Variants in MIEF1 observed in about 807,000 individuals in gnomAD.
The protein encoded by MIEF1 is mitochondrial dynamics protein MIEF1.
Under a neutral mutation model 35.1 loss-of-function variants are expected in MIEF1, and 14 were observed. The ratio of observed to expected loss-of-function variants is 0.40; its 90% confidence interval spans 0.26 to 0.62. The LOEUF (loss-of-function observed/expected upper bound fraction) is 0.62. Among genes scored for constraint, MIEF1 ranks in the 20% least tolerant of loss-of-function variants. The pLI is 0.43. For missense variants in MIEF1, 542 were observed against 615.4 expected (o/e 0.88, Z 1.26); for synonymous variants, 245 against 254.3 (o/e 0.96, Z 0.35).
At chr22:39,511,051 A>G (rs1180941769) in intron 2 of MIEF1, among the ~76,000 whole-genome samples, 1 of 152,242 alleles carries the variant, frequency 6.6e-6, no homozygotes, top group Admixed American at 6.5e-5. Context: ...TCTTAATCTC[A>G]CTAGCTTGGG....
chr22:39,502,528 C>G (rs1305555293), intron 1 of MIEF1, 91 bp downstream of exon 1: 1 of 152,272 alleles, frequency 6.6e-6, no homozygotes, highest in Non-Finnish European at 1.5e-5. Flanking sequence ...GCCTCGCATG[C>G]GGCCCGGAGT....
In MIEF1 at chr22:39,510,858, C is replaced by A. The variant is rs1375397579; in HGVS notation, c.-7-430C>A. On this transcript the variant is annotated intron_variant, in intron 2 of 5. Coordinates refer to ENST00000325301, the MANE Select transcript of MIEF1 (RefSeq NM_019008.6). ...GAAGGGGTAGAGACCTGCTTTATAA[C>A]CCCTGTGAAGGGGTAGAGACCTGCA... 2.7e-5 allele frequency among the ~76,000 whole-genome samples: 4 copies of A among 149,524 alleles called. No homozygotes were observed. In the East Asian group the frequency reaches 7.7e-4, roughly 29 times the overall value.
chr22:39,502,703 G>GT (rs1929805855), intron 1 of MIEF1, among the ~76,000 whole-genome samples: 1 of 152,386 alleles, frequency 6.6e-6, no homozygotes, highest in African/African-American at 2.4e-5. Flanking sequence ...GGCCCCCACG[G>GT]TTGGTGAAGT....
At position 39,513,873 on chromosome 22, in the gene MIEF1, A is replaced by G. The variant is rs890344154; in HGVS notation, c.942A>G (p.Pro314=). 3.7e-6 allele frequency: 6 copies of G among 1,613,896 alleles called. No homozygotes were observed. In the African/African-American group the frequency reaches 6.7e-5, roughly 18 times the overall value. The part of the protein sequence containing the change: ...RDKHLFIDFL[P]SVTLGDTVLV... ...AACATCTCTTCATTGACTTCCTGCC[A>G]TCAGTGACCCTCGGTGACACAGTCT... The change falls in exon 6 of 6, where the codon CCA becomes CCG. Residue 314 remains proline (P), a synonymous_variant. Coordinates refer to ENST00000325301, the MANE Select transcript of MIEF1 (RefSeq NM_019008.6).
In MIEF1 at chr22:39,517,579, A is replaced by G; in HGVS notation, c.*3256A>G. The G allele has an allele frequency of 2.1e-6, 1 of 471,228 alleles. No individual in the cohort carries two copies. The highest frequency in any genetic ancestry group is 1.5e-5 in the South Asian group (1 of 64,578). 29.2% of individuals were successfully genotyped at this position (471,228 alleles called of 1,614,324 possible). A position where few individuals can be genotyped will look rare whatever the true frequency, so the allele number is the denominator to read the frequency against. On this transcript the variant is annotated 3_prime_UTR_variant, in exon 6 of 6. Transcript: ENST00000325301. ...TGGGAGGGTTCTGTAAATACAGACTACTGCGAGTGTCCAGAGCTCTCTGCC... is the reference window on the plus strand; with the variant it reads ...TGGGAGGGTTCTGTAAATACAGACTGCTGCGAGTGTCCAGAGCTCTCTGCC...
upstream of MIEF1, chr22:39,500,563 G>C (rs1309431453): frequency 2.0e-5 from 3 of 151,348 alleles, no homozygotes; most frequent in African/African-American, 7.3e-5. Flanking sequence ...AGCAAATTAG[G>C]GCAGCCTGAA....
upstream of MIEF1, among the ~76,000 whole-genome samples, chr22:39,500,890 T>G (rs1014636956): frequency 3.3e-5 from 5 of 151,954 alleles, no homozygotes; most frequent in South Asian, 2.1e-4. Flanking sequence ...GAGATGGGGT[T>G]TCACCATGTT....
At chr22:39,510,563 G>A (rs1238342022) in intron 2 of MIEF1, among the ~76,000 whole-genome samples, 2 of 152,142 alleles carry the variant, frequency 1.3e-5, no homozygotes, top group Non-Finnish European at 2.9e-5. Context: ...GAGCCACTGC[G>A]CCTGTACCAT....
rs1706598414 is a variant in MIEF1, at chr22:39,517,755, C to T, written c.*3432C>T. 1 of 360,058 alleles carries T rather than the reference C, an allele frequency of 2.8e-6. No individual in the cohort carries two copies. The highest frequency in any genetic ancestry group is 5.7e-6 in the Non-Finnish European group (1 of 176,464). The allele number at this position is 360,058 out of a possible 1,614,324, so 22.3% of individuals were successfully genotyped here. On this transcript the variant is annotated 3_prime_UTR_variant, in exon 6 of 6. Coordinates refer to ENST00000325301, the MANE Select transcript of MIEF1 (RefSeq NM_019008.6). ...CTTGCACCAGGCTGGGAGGCTGCAG[C>T]CCTTTTAGATGCCACTTACTGTAAG...
At chr22:39,507,930 G>A (rs138394578) in intron 2 of MIEF1, among the ~76,000 whole-genome samples, 8 of 152,240 alleles carry the variant, frequency 5.3e-5, no homozygotes, top group African/African-American at 1.2e-4. Flanking sequence ...TTTCAAGGCC[G>A]TTTTAGAGCA....
In MIEF1 at chr22:39,512,010, C is replaced by T. The variant is rs527582196; in HGVS notation, c.306C>T (p.Ser102=). The change falls in exon 4 of 6, where the codon TCC becomes TCT. Residue 102 remains serine, a synonymous_variant. Coordinates refer to ENST00000325301, the MANE Select transcript of MIEF1 (RefSeq NM_019008.6). ...CCTTGCAGACCCTTCCCACAGACTC[C>T]TCCACCTTCGACACAGGTGAGAAGG... ...SRSLQTLPTD[S]STFDTDTFCP... is the part of the protein sequence containing the mutation. The T allele has an allele frequency of 8.1e-6, 13 of 1,613,324 alleles. No individual in the cohort carries two copies. In the South Asian group the frequency reaches 8.8e-5, roughly 11 times the overall value.
rs543603877 is a variant in MIEF1 at position 39,506,560 on chromosome 22, TACAC to T, written c.-8+2029_-8+2032del. On this transcript the variant is annotated intron_variant, in intron 2 of 5. Transcript: ENST00000325301. ...TAAGTGTAAAATTGCCAGCACATAA[TACAC>T]ACTCAATATCTGCTACCTAGTCTCG... 1.8e-3 allele frequency among the ~76,000 whole-genome samples: 268 copies of T among 152,306 alleles called. 1 individual carries two copies. Among genetic ancestry groups the T allele is most frequent in the Middle Eastern group, 3.4e-3 (1 of 294 alleles).
intron 1 of MIEF1, 199 bp from the exon 2 acceptor site, chr22:39,504,004 G>A (rs1464558521): frequency 4.0e-5 from 15 of 377,216 alleles, no homozygotes; most frequent in East Asian, 2.3e-4. Flanking sequence ...TTTGAGCCCT[G>A]GTGAACCACA....
intron 2 of MIEF1, among the ~76,000 whole-genome samples, chr22:39,506,663 C>G (rs1930031753): frequency 6.6e-6 from 1 of 152,218 alleles, no homozygotes; most frequent in East Asian, 1.9e-4. Context: ...AACTTTCACA[C>G]TTCTGTGCTG....
chr22:39,513,246 A>G (rs545034587), intron 5 of MIEF1, among the ~76,000 whole-genome samples: 1 of 152,114 alleles, frequency 6.6e-6, no homozygotes, highest in African/African-American at 2.4e-5. Flanking sequence ...GATTACAGGC[A>G]CACGCCACAA....
In MIEF1 at chr22:39,513,809, C is replaced by T; in HGVS notation, c.878C>T (p.Pro293Leu). Residue 293 changes from proline to leucine, a missense_variant, in exon 6 of 6, where the codon CCA becomes CTA. By Grantham distance (98) the Pro-to-Leu change is moderately conservative. Coordinates refer to ENST00000325301, the MANE Select transcript of MIEF1 (RefSeq NM_019008.6). ...TATGTGATCCGCCCGGCCCCACCCC[C>T]AGAAGCCCTCACACTGGAGGTGCAG... ...LDYVIRPAPP[P>L]EALTLEVQYE... 6.2e-7 allele frequency: 1 copy of T among 1,614,170 alleles called. No homozygotes were observed. The highest frequency in any genetic ancestry group is 8.5e-7 in the Non-Finnish European group (1 of 1,180,046).
intron 4 of MIEF1, 54 bp downstream of exon 4, chr22:39,512,080 C>G: frequency 1.9e-6 from 3 of 1,579,150 alleles, no homozygotes; most frequent in Non-Finnish European, 2.6e-6. Flanking sequence ...AGTACCACTC[C>G]TGCACTCAGC....
At position 39,509,247 on chromosome 22, in the gene MIEF1, C is replaced by T. The variant is rs981217327; in HGVS notation, c.-7-2041C>T. The T allele has an allele frequency of 2.0e-5, 3 of 152,292 alleles. No homozygotes were observed. In the East Asian group the frequency reaches 5.8e-4, roughly 29 times the overall value. The allele number at this position is 152,292 out of a possible 1,614,324, so 9.4% of individuals were successfully genotyped here. A position where few individuals can be genotyped will look rare whatever the true frequency, so the allele number is the denominator to read the frequency against. ...GGGATTACAGGTGTGAGCCACCGCG[C>T]CCGGCTGATCCTGTCTCTTGATGTC... On this transcript the variant is annotated intron_variant, in intron 2 of 5. Transcript: ENST00000325301.
At position 39,514,572 on chromosome 22, in the gene MIEF1, A is replaced by G. The variant is rs1930561248; in HGVS notation, c.*249A>G. On this transcript the variant is annotated 3_prime_UTR_variant, in exon 6 of 6. Coordinates refer to ENST00000325301, the MANE Select transcript of MIEF1 (RefSeq NM_019008.6). ...CTGGCTCCAGGCTAATTTTTCTGGA[A>G]TGAATTGAGAAGGTGGCGTGCTGGC... 3 of 542,468 alleles carry G rather than the reference A, an allele frequency of 5.5e-6. No individual in the cohort carries two copies. Among genetic ancestry groups the G allele is most frequent in the Non-Finnish European group, 6.6e-6 (2 of 303,412 alleles). The allele number at this position is 542,468 out of a possible 1,614,324, so 33.6% of individuals were successfully genotyped here. A position where few individuals can be genotyped will look rare whatever the true frequency, so the allele number is the denominator to read the frequency against.
Sources: gnomAD v4.1 joint callset for allele counts (sites outside exome capture counted in the v4.1 genomes callset) on GRCh38, gnomAD v4.1.1 for gene constraint, MANE v1.5 for transcripts, NCBI Gene and HGNC (gene_info 2026-07-23, HGNC 2026-07-21) for gene names.